GRID2: variants seen among roughly 807,000 people sequenced by gnomAD.
The protein encoded by GRID2 is glutamate ionotropic receptor delta type subunit 2.
A neutral mutation model predicts 114.8 loss-of-function variants in GRID2; 33 were observed. The observed-to-expected ratio is 0.29, with a 90% CI of 0.22 to 0.38. GRID2 has a LOEUF of 0.38. Among genes scored for constraint, GRID2 ranks in the 10% least tolerant of loss-of-function variants. The pLI, the probability that GRID2 is intolerant of heterozygous loss-of-function variation, is 1.00. For missense variants in GRID2, 1,184 were observed against 1,257.7 expected (o/e 0.94, Z 0.89); for synonymous variants, 505 against 449.9 (o/e 1.12, Z -1.55).
intron 2 of GRID2, among the ~76,000 whole-genome samples, chr4:92,903,826 C>T (rs1369700579): frequency 1.3e-5 from 2 of 151,888 alleles, no homozygotes; most frequent in African/African-American, 4.8e-5. Flanking sequence ...ATCTGATTTA[C>T]ATACCGCACT....
At chr4:93,015,996 A>T (rs1358520558) in intron 2 of GRID2, among the ~76,000 whole-genome samples, 1 of 152,022 alleles carries the variant, frequency 6.6e-6, no homozygotes, top group African/African-American at 2.4e-5. Context: ...GAAGAAGCAG[A>T]TAGGTAGTAT....
chr4:93,553,464 A>G (rs944162693), intron 13 of GRID2, among the ~76,000 whole-genome samples: 1 of 152,308 alleles, frequency 6.6e-6, no homozygotes, highest in South Asian at 2.1e-4. Flanking sequence ...ATTATAGTTC[A>G]TCTTGCTCAA....
chr4:92,557,455 C>T (rs933083441), intron 1 of GRID2, among the ~76,000 whole-genome samples: 1 of 151,150 alleles, frequency 6.6e-6, no homozygotes, highest in Non-Finnish European at 1.5e-5. Flanking sequence ...ACAAATACAA[C>T]ATAAATTTAA....
At chr4:92,681,754 AAATT>A (rs1733659498) in intron 2 of GRID2, among the ~76,000 whole-genome samples, 1 of 152,204 alleles carries the variant, frequency 6.6e-6, no homozygotes, top group African/African-American at 2.4e-5. Flanking sequence ...ATTTTTCTAA[AAATT>A]AAGTAACAGA....
chr4:93,741,918 C>A (rs1731452185), intron 14 of GRID2, among the ~76,000 whole-genome samples: 1 of 116,228 alleles, frequency 8.6e-6, no homozygotes, highest in Non-Finnish European at 1.7e-5. Flanking sequence ...GAGTGAGACT[C>A]TGTCTCAAAA....
chr4:93,259,946 A>G (rs1395208514), intron 8 of GRID2, among the ~76,000 whole-genome samples: 1 of 151,740 alleles, frequency 6.6e-6, no homozygotes, highest in Non-Finnish European at 1.5e-5. Context: ...AATTTTTTAA[A>G]CATAGCTTAT....
chr4:92,382,043 G>A (rs1729643201), intron 1 of GRID2, among the ~76,000 whole-genome samples: 1 of 151,838 alleles, frequency 6.6e-6, no homozygotes, highest in Admixed American at 6.6e-5. Context: ...CTGTATGTCA[G>A]TGAGCATTCC....
chr4:92,706,755 A>G (rs1479326), intron 2 of GRID2, among the ~76,000 whole-genome samples: 28,500 of 152,182 alleles, frequency 0.19, 2,838 homozygotes, highest in East Asian at 0.33. Flanking sequence ...ACATGTAAAT[A>G]TAAACCCAGC....
chr4:93,019,214 C>T (rs1723046551), intron 2 of GRID2, among the ~76,000 whole-genome samples: 1 of 152,158 alleles, frequency 6.6e-6, no homozygotes, highest in Non-Finnish European at 1.5e-5. Flanking sequence ...TTCATATACA[C>T]ACACATACAT....
intron 2 of GRID2, among the ~76,000 whole-genome samples, chr4:92,972,987 T>A (rs1213683981): frequency 2.0e-5 from 3 of 152,176 alleles, no homozygotes; most frequent in African/African-American, 4.8e-5. Context: ...TGTAACACAA[T>A]TTTTTTAATC....
At chr4:93,700,582 A>C (rs1727424219) in intron 14 of GRID2, among the ~76,000 whole-genome samples, 1 of 152,198 alleles carries the variant, frequency 6.6e-6, no homozygotes, top group African/African-American at 2.4e-5. Flanking sequence ...AAAATGAGGT[A>C]ACTCTAGAAA....
chr4:93,022,747 G>A (rs927897384), intron 2 of GRID2, among the ~76,000 whole-genome samples: 7 of 151,474 alleles, frequency 4.6e-5, no homozygotes, highest in African/African-American at 1.7e-4. Flanking sequence ...TCCTGTTTGT[G>A]AACTACTAAA....
intron 10 of GRID2, among the ~76,000 whole-genome samples, chr4:93,438,301 C>A (rs762234043): frequency 6.6e-6 from 1 of 152,106 alleles, no homozygotes; most frequent in South Asian, 2.1e-4. Context: ...ACCCAGGGGC[C>A]GAATGGCAGC....
chr4:93,726,124 C>G (rs867155765), intron 14 of GRID2, among the ~76,000 whole-genome samples: 1 of 152,160 alleles, frequency 6.6e-6, no homozygotes, highest in South Asian at 2.1e-4. Context: ...TTAGGTCTAA[C>G]ATGTAAGTCT....
chr4:93,599,779 A>G (rs1482699924), intron 13 of GRID2, among the ~76,000 whole-genome samples: 1 of 152,186 alleles, frequency 6.6e-6, no homozygotes, highest in Non-Finnish European at 1.5e-5. Context: ...CACACTTCCA[A>G]GTCCACACAC....
intron 7 of GRID2, among the ~76,000 whole-genome samples, chr4:93,231,205 T>C (rs1746093779): frequency 6.6e-6 from 1 of 152,056 alleles, no homozygotes; most frequent in Non-Finnish European, 1.5e-5. Context: ...TACAGAAGTG[T>C]ACTATATTTA....
At chr4:92,792,461 AC>A (rs1369908573) in intron 2 of GRID2, among the ~76,000 whole-genome samples, 28 of 39,194 alleles carry the variant, frequency 7.1e-4, no homozygotes, top group Non-Finnish European at 5.3e-4. Context: ...AAGAGAACAC[AC>A]ACACACACAC....
At chr4:92,631,957 G>T (rs977379340) in intron 2 of GRID2, among the ~76,000 whole-genome samples, 2 of 152,096 alleles carry the variant, frequency 1.3e-5, no homozygotes, top group African/African-American at 4.8e-5. Flanking sequence ...TTGTGTTACT[G>T]TAATCAACTA....
intron 2 of GRID2, among the ~76,000 whole-genome samples, chr4:92,919,975 T>C (rs1373977486): frequency 6.6e-6 from 1 of 152,182 alleles, no homozygotes; most frequent in Non-Finnish European, 1.5e-5. Context: ...TATTATTGTG[T>C]GGGAGTGTAA....
Sources: gnomAD v4.1 joint callset for allele counts (sites outside exome capture counted in the v4.1 genomes callset) on GRCh38, gnomAD v4.1.1 for gene constraint, MANE v1.5 for transcripts, NCBI Gene and HGNC (gene_info 2026-07-23, HGNC 2026-07-21) for gene names.